SGIP1: variants seen among roughly 807,000 people sequenced by gnomAD.
SGIP1 encodes the protein SH3GL interacting endocytic adaptor 1.
Under a neutral mutation model 107.5 loss-of-function variants are expected in SGIP1, and 38 were observed. The observed-to-expected ratio is 0.35, with a 90% CI of 0.27 to 0.46. The LOEUF (loss-of-function observed/expected upper bound fraction) is 0.46, where lower values mean the gene tolerates loss of function less well. Ranked by LOEUF, SGIP1 falls within the 20% of genes least tolerant of loss-of-function variation. SGIP1 has a pLI of 1.00. For synonymous variants in SGIP1, 365 were observed against 366.1 expected (o/e 1.00, Z 0.03); for missense variants, 929 against 1,019.5 (o/e 0.91, Z 1.21).
chr1:66,718,017 A>T (rs546894678), intron 18 of SGIP1, among the ~76,000 whole-genome samples: 1 of 152,286 alleles, frequency 6.6e-6, no homozygotes, highest in Admixed American at 6.5e-5. Context: ...ACTGTTTGTT[A>T]AATTAATTGT....
intron 7 of SGIP1, among the ~76,000 whole-genome samples, chr1:66,647,191 C>T (rs1184423850): frequency 6.6e-6 from 1 of 152,110 alleles, no homozygotes; most frequent in Non-Finnish European, 1.5e-5. Flanking sequence ...ATTCAGAAAC[C>T]CAGGAATTTT....
intron 1 of SGIP1, among the ~76,000 whole-genome samples, chr1:66,582,566 A>G (rs2061976667): frequency 1.3e-5 from 2 of 151,866 alleles, no homozygotes. Context: ...AATTTATGTC[A>G]GTGGAAAAGG....
At chr1:66,650,542 C>T (rs2078544737) in intron 7 of SGIP1, among the ~76,000 whole-genome samples, 3 of 152,130 alleles carry the variant, frequency 2.0e-5, no homozygotes, top group African/African-American at 7.2e-5. Context: ...GATTGGTTTT[C>T]TGCAGCCCAC....
At chr1:66,673,452 G>T (rs932578675) in intron 12 of SGIP1, 86 bp downstream of exon 12, 333 of 1,193,938 alleles carry the variant, frequency 2.8e-4, no homozygotes, top group Non-Finnish European at 3.6e-4. Context: ...TGTATTTTGA[G>T]GTATATTTTT....
intron 24 of SGIP1, among the ~76,000 whole-genome samples, chr1:66,741,734 G>A (rs2094450527): frequency 1.3e-5 from 2 of 151,722 alleles, no homozygotes. Context: ...TTATATTGAC[G>A]AACAAGACAA....
At chr1:66,564,809 C>G (rs1371551816) in intron 1 of SGIP1, among the ~76,000 whole-genome samples, 1 of 151,866 alleles carries the variant, frequency 6.6e-6, no homozygotes, top group Non-Finnish European at 1.5e-5. Context: ...CCCTCCTTCC[C>G]AAGGAGGAAT....
chr1:66,569,061 A>G (rs2060037963), intron 1 of SGIP1, among the ~76,000 whole-genome samples: 2 of 151,948 alleles, frequency 1.3e-5, no homozygotes, highest in African/African-American at 4.8e-5. Context: ...GAATTATGAG[A>G]ATTGTATGGG....
At chr1:66,648,095 T>C (rs2077985974) in intron 7 of SGIP1, among the ~76,000 whole-genome samples, 1 of 152,148 alleles carries the variant, frequency 6.6e-6, no homozygotes, top group African/African-American at 2.4e-5. Flanking sequence ...AGTAGGAGCC[T>C]TCAGAGTTAG....
rs559625921 is a variant in SGIP1, at chr1:66,610,948, G to A, written c.11-14899G>A. Among the ~76,000 whole-genome samples, 24 of 151,796 alleles carry A rather than the reference G, an allele frequency of 1.6e-4. 2 individuals are homozygous for A. In the South Asian group the frequency reaches 3.1e-3, roughly 20 times the overall value. ...AGCTAAGCTACAAGGATGCAAAGTC[G>A]TAAGAATGATGCAATGGACTTTGGA... is the stretch of plus-strand genomic sequence containing the variant. On this transcript the variant is annotated intron_variant, in intron 1 of 24. Transcript: ENST00000371037.
chr1:66,657,712 T>C (rs188337241), intron 7 of SGIP1, among the ~76,000 whole-genome samples: 1 of 152,144 alleles, frequency 6.6e-6, no homozygotes, highest in Non-Finnish European at 1.5e-5. Flanking sequence ...TCTTAGACTA[T>C]TGGACAAAAA....
chr1:66,688,791 T>C (rs1352952796), intron 15 of SGIP1, among the ~76,000 whole-genome samples: 1 of 152,102 alleles, frequency 6.6e-6, no homozygotes, highest in South Asian at 2.1e-4. Flanking sequence ...ACATGCAAAA[T>C]GCAAGAGAAT....
intron 18 of SGIP1, among the ~76,000 whole-genome samples, chr1:66,711,823 C>G (rs2092941902): frequency 6.6e-6 from 1 of 152,118 alleles, no homozygotes; most frequent in African/African-American, 2.4e-5. Flanking sequence ...TGTTTCCAAC[C>G]TCAGATGAAG....
rs1348872072 is a variant in SGIP1, at chr1:66,750,410, T to C, written c.*7315T>C. The stretch of plus-strand genomic sequence containing the variant: ...GAATCTCAGAAAGATTTTGCTGTGT[T>C]TCTATAGGTAATGAAATCCTGTCAA... On this transcript the variant is annotated 3_prime_UTR_variant, in exon 25 of 25. Transcript: ENST00000371037. Among the ~76,000 whole-genome samples, 1 of 152,196 alleles carries C rather than the reference T, an allele frequency of 6.6e-6. No homozygotes were observed. The highest frequency in any genetic ancestry group is 1.5e-5 in the Non-Finnish European group (1 of 68,026).
At chr1:66,626,793 G>A (rs989925817) in intron 2 of SGIP1, among the ~76,000 whole-genome samples, 1 of 152,106 alleles carries the variant, frequency 6.6e-6, no homozygotes, top group Non-Finnish European at 1.5e-5. Context: ...TTTGCTGTAC[G>A]TCAGAATCAA....
intron 1 of SGIP1, chr1:66,615,832 G>T (rs1365929307): frequency 1.3e-5 from 2 of 152,174 alleles, no homozygotes; most frequent in Non-Finnish European, 2.9e-5. Flanking sequence ...GAGAGAAAAA[G>T]AAAGTAACCT....
chr1:66,551,473 C>G (rs1317643655), intron 1 of SGIP1, among the ~76,000 whole-genome samples: 1 of 152,102 alleles, frequency 6.6e-6, no homozygotes, highest in Non-Finnish European at 1.5e-5. Flanking sequence ...GTCATTCTGA[C>G]TTTGTGGTTT....
At chr1:66,737,952 C>G (rs1347913832) in intron 21 of SGIP1, among the ~76,000 whole-genome samples, 1 of 151,278 alleles carries the variant, frequency 6.6e-6, no homozygotes, top group African/African-American at 2.4e-5. Flanking sequence ...ATCAAAAACA[C>G]ATTTTCATAT....
rs572081390 is a variant in SGIP1, at chr1:66,576,197, T to G, written c.10+41829T>G. On this transcript the variant is annotated intron_variant, in intron 1 of 24. Coordinates refer to ENST00000371037, the MANE Select transcript of SGIP1 (RefSeq NM_032291.4). ...AGGAGGTACTGTGTTAGCACTCGTA[T>G]TTTTCTTCTTGAAAAGAAGGTGTTA... Among the ~76,000 whole-genome samples the G allele has an allele frequency of 6.6e-5, 10 of 152,292 alleles. No individual in the cohort carries two copies. In the East Asian group the frequency reaches 1.5e-3, roughly 24 times the overall value.
rs532841558 is a variant in SGIP1, at chr1:66,728,106, C to T, written c.1743-1158C>T. 1.8e-4 allele frequency among the ~76,000 whole-genome samples: 28 copies of T among 152,166 alleles called. No individual in the cohort carries two copies. The South Asian group carries it at 5.8e-3, about 32-fold the overall frequency. On this transcript the variant is annotated intron_variant, in intron 19 of 24. Coordinates refer to ENST00000371037, the MANE Select transcript of SGIP1 (RefSeq NM_032291.4). ...CATCCCATTGTGTTAACTTATATGACTGAGTTTACAATTTTGACCAAATAG... is the reference window on the plus strand; with the variant it reads ...CATCCCATTGTGTTAACTTATATGATTGAGTTTACAATTTTGACCAAATAG...
Sources: allele counts gnomAD v4.1 joint callset (sites outside exome capture counted in the v4.1 genomes callset), GRCh38; gene constraint gnomAD v4.1.1; transcripts MANE v1.5; gene names NCBI Gene and HGNC (gene_info 2026-07-23, HGNC 2026-07-21).